DCBLD1: variants seen among roughly 807,000 people sequenced by gnomAD.
The protein encoded by DCBLD1 is discoidin, CUB and LCCL domain-containing protein 1.
Under a neutral mutation model 71.5 loss-of-function variants are expected in DCBLD1, and 57 were observed. The ratio of observed to expected loss-of-function variants is 0.80; its 90% CI spans 0.64 to 0.99. The LOEUF (loss-of-function observed/expected upper bound fraction) is 0.99. Ranked by LOEUF, DCBLD1 falls within the 50% of genes least tolerant of loss-of-function variation. The pLI is 0.00. For synonymous variants in DCBLD1, 380 were observed against 363.8 expected, an observed-to-expected ratio of 1.04 and a Z score of -0.51; for missense variants, 891 against 923.5, an observed-to-expected ratio of 0.96 and a Z score of 0.46.
chr6:117,522,210 C>T (rs1778406516), intron 4 of DCBLD1, among the ~76,000 whole-genome samples: 1 of 152,166 alleles, frequency 6.6e-6, no homozygotes, highest in Non-Finnish European at 1.5e-5. Context: ...AATTTCTTAG[C>T]CTTGGCACTA....
chr6:117,504,048 G>A (rs1312987322), intron 2 of DCBLD1, 69 bp downstream of exon 2: 4 of 1,527,856 alleles, frequency 2.6e-6, no homozygotes, highest in Non-Finnish European at 3.6e-6. Context: ...GGCAAGTGGT[G>A]TGTTAATTAA....
In DCBLD1 at chr6:117,549,317, CAA is replaced by C; in HGVS notation, c.*880_*881del. 1.0e-6 allele frequency: 1 copy of C among 985,368 alleles called. No homozygotes were observed. The highest frequency in any genetic ancestry group is 1.2e-6 in the Non-Finnish European group (1 of 829,876). 61.0% of individuals were successfully genotyped at this position (985,368 alleles called of 1,614,324 possible). A position where few individuals can be genotyped will look rare whatever the true frequency, so the allele number is the denominator to read the frequency against. On this transcript the variant is annotated 3_prime_UTR_variant, in exon 15 of 15. Transcript: ENST00000338728. ...GTGACTTCCGCTGTCCTCTGAAAAA[CAA>C]AGTTATTTGGAACATGTTCATGCAA... is the stretch of plus-strand genomic sequence containing the variant.
intron 1 of DCBLD1, among the ~76,000 whole-genome samples, chr6:117,487,118 A>G (rs534683239): frequency 9.5e-4 from 145 of 152,212 alleles, no homozygotes; most frequent in African/African-American, 3.4e-3. Context: ...GTTGGTGACC[A>G]CTGCTCTGGA....
chr6:117,529,685 A>C (rs765091738), intron 5 of DCBLD1, among the ~76,000 whole-genome samples: 89 of 152,330 alleles, frequency 5.8e-4, no homozygotes, highest in Non-Finnish European at 1.1e-3. Flanking sequence ...TGACTATTTT[A>C]AAGAAAATAA....
At chr6:117,509,092 C>T (rs1777930618) in intron 2 of DCBLD1, among the ~76,000 whole-genome samples, 1 of 152,176 alleles carries the variant, frequency 6.6e-6, no homozygotes, top group Non-Finnish European at 1.5e-5. Context: ...AATTGGTTGA[C>T]CTTGAGCAAA....
intron 2 of DCBLD1, among the ~76,000 whole-genome samples, chr6:117,506,519 T>G (rs1040677875): frequency 3.9e-4 from 60 of 152,274 alleles, no homozygotes; most frequent in Non-Finnish European, 1.0e-4. Flanking sequence ...GTGGCTACTT[T>G]AAAGATTTCC....
At chr6:117,559,288 T>C (rs1024385182) in intron 14 of DCBLD1, among the ~76,000 whole-genome samples, 4 of 152,094 alleles carry the variant, frequency 2.6e-5, no homozygotes, top group African/African-American at 7.2e-5. Context: ...CTGGAGTTGA[T>C]TGGAGGCTGG....
chr6:117,509,005 A>G (rs1243288755), intron 2 of DCBLD1, among the ~76,000 whole-genome samples: 1 of 152,192 alleles, frequency 6.6e-6, no homozygotes, highest in Non-Finnish European at 1.5e-5. Flanking sequence ...AAACTCTGTA[A>G]TTAGACTCCC....
At chr6:117,532,573 A>G (rs887014164) in intron 6 of DCBLD1, among the ~76,000 whole-genome samples, 180 bp downstream of exon 6, 10 of 152,244 alleles carry the variant, frequency 6.6e-5, no homozygotes, top group African/African-American at 2.4e-4. Context: ...TAAATGTAGC[A>G]ATCAGAAAGC....
At chr6:117,520,036 T>A in intron 3 of DCBLD1, 86 bp downstream of exon 3, 1 of 1,577,950 alleles carries the variant, frequency 6.3e-7, no homozygotes, top group South Asian at 1.1e-5. Flanking sequence ...TGGACATAAT[T>A]GTGGACTCAG....
intron 1 of DCBLD1, among the ~76,000 whole-genome samples, chr6:117,494,375 A>C (rs1387771941): frequency 6.6e-6 from 1 of 152,232 alleles, no homozygotes; most frequent in African/African-American, 2.4e-5. Flanking sequence ...TGCATATTTA[A>C]CATGAAACCA....
intron 14 of DCBLD1, among the ~76,000 whole-genome samples, chr6:117,565,495 T>C (rs1356699563): frequency 1.3e-5 from 2 of 152,206 alleles, no homozygotes. Flanking sequence ...TCTTTTCCCA[T>C]GCAAAATTTT....
intron 2 of DCBLD1, among the ~76,000 whole-genome samples, chr6:117,506,317 C>T (rs1249467295): frequency 6.6e-6 from 1 of 152,086 alleles, no homozygotes; most frequent in African/African-American, 2.4e-5. Flanking sequence ...CTGCAAGACA[C>T]CTACTCCCAC....
chr6:117,483,837 C>A lies in DCBLD1; in HGVS notation c.112+944C>A, dbSNP rs548651173. ...TATCCGGAGTACTTTGACAGCTCCC[C>A]CAACCACCATGCTTTCTGGTGAAAC... On this transcript the variant is annotated intron_variant, in intron 1 of 14. Coordinates refer to ENST00000338728, the MANE Select transcript of DCBLD1 (RefSeq NM_001366458.2). Among the ~76,000 whole-genome samples the A allele has an allele frequency of 3.3e-5, 5 of 152,156 alleles. No individual in the cohort carries two copies. The South Asian group carries it at 1.0e-3, about 32-fold the overall frequency.
chr6:117,540,859 A>G (rs1779071049), intron 10 of DCBLD1, 44 bp downstream of exon 10: 2 of 1,611,388 alleles, frequency 1.2e-6, no homozygotes, highest in African/African-American at 1.3e-5. Flanking sequence ...GTTTGGTCAT[A>G]TTTTTTTTCG....
At chr6:117,526,843 T>C (rs569954161) in intron 5 of DCBLD1, among the ~76,000 whole-genome samples, 4 of 152,324 alleles carry the variant, frequency 2.6e-5, no homozygotes, top group Non-Finnish European at 5.9e-5. Flanking sequence ...AAGTGGCACA[T>C]ATTTATTATC....
intron 9 of DCBLD1, 117 bp downstream of exon 9, chr6:117,539,496 T>A: frequency 8.3e-7 from 1 of 1,209,882 alleles, no homozygotes; most frequent in Non-Finnish European, 1.1e-6. Context: ...CCAAGCATGG[T>A]GGTTCATGCC....
In DCBLD1 at chr6:117,540,813, A is replaced by G; in HGVS notation, c.1247A>G (p.Gln416Arg). 6.2e-7 allele frequency: 1 copy of G among 1,614,168 alleles called. No homozygotes were observed. Among genetic ancestry groups the G allele is most frequent in the South Asian group, 1.1e-5 (1 of 91,084 alleles). The change falls in exon 10 of 15, where the codon CAA (glutamine) becomes CGA (arginine). Residue 416 changes from glutamine (Q) to arginine (R), a missense_variant and splice_region_variant. By Grantham distance (43) the Gln-to-Arg change is conservative. Coordinates refer to ENST00000338728, the MANE Select transcript of DCBLD1 (RefSeq NM_001366458.2). Reference sequence around the variant, plus strand: ...GAGCTCATTGGTTGCCAGATTACACAAGGTAGGGCTCAGGGCAAGCCAGTG... The same window carrying G: ...GAGCTCATTGGTTGCCAGATTACACGAGGTAGGGCTCAGGGCAAGCCAGTG... ...KVELIGCQIT[Q>R]GNDSLVWRKT... is the part of the protein sequence containing the mutation.
chr6:117,546,161 C>T (rs1328513663), intron 14 of DCBLD1, among the ~76,000 whole-genome samples: 1 of 152,036 alleles, frequency 6.6e-6, no homozygotes, highest in Non-Finnish European at 1.5e-5. Context: ...ATACAAAATA[C>T]AAAGCTCTAA....
Sources: allele counts gnomAD v4.1 joint callset (sites outside exome capture counted in the v4.1 genomes callset), GRCh38; gene constraint gnomAD v4.1.1; transcripts MANE v1.5; gene names NCBI Gene and HGNC (gene_info 2026-07-23, HGNC 2026-07-21).